CLSTN2: variants seen among roughly 807,000 people sequenced by gnomAD.
The protein encoded by CLSTN2 is calsyntenin 2, also known as calsyntenin-2.
CLSTN2 carries 48 observed loss-of-function variants against 101.2 expected under a neutral mutation model. The observed-to-expected ratio is 0.47, with a 90% confidence interval of 0.38 to 0.60. CLSTN2 has a LOEUF of 0.60. Among genes scored for constraint, CLSTN2 ranks in the 20% least tolerant of loss-of-function variants. The pLI, the probability that CLSTN2 is intolerant of heterozygous loss-of-function variation, is 0.00. For missense variants in CLSTN2, 1,160 were observed against 1,238.2 expected (o/e 0.94, Z 0.95); for synonymous variants, 481 against 463.6 (o/e 1.04, Z -0.48).
At chr3:140,281,089 G>T (rs1430525709) in intron 2 of CLSTN2, among the ~76,000 whole-genome samples, 1 of 152,224 alleles carries the variant, frequency 6.6e-6, no homozygotes, top group African/African-American at 2.4e-5. Context: ...AAATGTACAG[G>T]TCTAAATGGG....
chr3:140,069,179 C>A (rs1028798502), intron 1 of CLSTN2, among the ~76,000 whole-genome samples: 3 of 152,224 alleles, frequency 2.0e-5, no homozygotes, highest in Non-Finnish European at 4.4e-5. Context: ...TCCTCATTCT[C>A]AGTACAGACC....
chr3:140,468,565 C>T (rs939340531), intron 8 of CLSTN2, among the ~76,000 whole-genome samples: 1 of 152,184 alleles, frequency 6.6e-6, no homozygotes, highest in African/African-American at 2.4e-5. Context: ...TCAATGCCTG[C>T]TCTGTGCTAG....
At chr3:140,397,847 T>C (rs1161295892) in intron 2 of CLSTN2, among the ~76,000 whole-genome samples, 1 of 152,246 alleles carries the variant, frequency 6.6e-6, no homozygotes, top group East Asian at 1.9e-4. Context: ...CATGACTGTG[T>C]GACATTATGC....
In CLSTN2 at chr3:140,519,878, C is replaced by T. The variant is rs531328048; in HGVS notation, c.1345-12446C>T. Among the ~76,000 whole-genome samples, 167 of 152,216 alleles carry T rather than the reference C, an allele frequency of 1.1e-3. 1 individual carries two copies. The highest frequency in any genetic ancestry group is 3.9e-3 in the African/African-American group (163 of 41,534). On this transcript the variant is annotated intron_variant, in intron 8 of 16. Transcript: ENST00000458420. ...ATGCTAGCTGGTTATTTTGTAGACT[C>T]GTTTATGTGGTTGCTTTATAGTGTC...
At chr3:140,135,994 T>C (rs2009611109) in intron 1 of CLSTN2, among the ~76,000 whole-genome samples, 2 of 152,196 alleles carry the variant, frequency 1.3e-5, no homozygotes, top group Admixed American at 1.3e-4. Context: ...TTAAGAAGAT[T>C]TGAAGATTTC....
Position 140,367,204 on chromosome 3 carries a change from G to A in CLSTN2, c.233-36425G>A, listed in dbSNP as rs562203959. On this transcript the variant is annotated intron_variant, in intron 2 of 16. Transcript: ENST00000458420. ...AACTTTACAATTATGGAACTTAGAC[G>A]CTACACTTGATCTTAGCCAAAAGAC... Among the ~76,000 whole-genome samples the A allele has an allele frequency of 1.4e-4, 22 of 151,898 alleles. 1 individual carries two copies. The highest frequency in any genetic ancestry group is 5.1e-4 in the African/African-American group (21 of 41,444).
At chr3:139,953,630 T>C (rs902208148) in intron 1 of CLSTN2, among the ~76,000 whole-genome samples, 4 of 152,198 alleles carry the variant, frequency 2.6e-5, no homozygotes, top group Admixed American at 6.5e-5. Flanking sequence ...CAGGCATTGA[T>C]GGAGCAGCAT....
chr3:140,052,454 C>T (rs2008015462), intron 1 of CLSTN2, among the ~76,000 whole-genome samples: 1 of 152,202 alleles, frequency 6.6e-6, no homozygotes, highest in Non-Finnish European at 1.5e-5. Context: ...CCGCACCTGG[C>T]CAATATTTCT....
At position 140,503,014 on chromosome 3, in the gene CLSTN2, C is replaced by G. The variant is rs1409823830; in HGVS notation, c.1345-29310C>G. On this transcript the variant is annotated intron_variant, in intron 8 of 16. Coordinates refer to ENST00000458420, the MANE Select transcript of CLSTN2 (RefSeq NM_022131.3). ...CTAGAAGAGCTTCTGTTTCCTTCTA[C>G]TTTACAGTTTACAACACGCCATGGC... 2.6e-5 allele frequency among the ~76,000 whole-genome samples: 4 copies of G among 152,292 alleles called. No individual in the cohort carries two copies. In the East Asian group the frequency reaches 7.7e-4, roughly 29 times the overall value.
intron 1 of CLSTN2, among the ~76,000 whole-genome samples, chr3:140,045,019 C>T (rs145577084): frequency 0.014 from 2,068 of 152,136 alleles, 56 homozygotes; most frequent in African/African-American, 0.045. Context: ...TGCCAGGCTT[C>T]GGTATCAGGA....
At chr3:140,429,523 A>G (rs1025441485) in intron 5 of CLSTN2, among the ~76,000 whole-genome samples, 1 of 152,092 alleles carries the variant, frequency 6.6e-6, no homozygotes, top group African/African-American at 2.4e-5. Context: ...AGAAGACTGG[A>G]CTGGCCAACT....
At chr3:140,499,888 C>A (rs1934539728) in intron 8 of CLSTN2, among the ~76,000 whole-genome samples, 3 of 152,088 alleles carry the variant, frequency 2.0e-5, no homozygotes, top group African/African-American at 4.8e-5. Context: ...CACGGTGAAA[C>A]CCCGTCTCTA....
intron 1 of CLSTN2, among the ~76,000 whole-genome samples, chr3:140,009,545 C>T (rs1482561306): frequency 1.3e-5 from 2 of 152,032 alleles, no homozygotes; most frequent in Non-Finnish European, 2.9e-5. Context: ...TCATCCTATC[C>T]ATATTCTCTG....
At chr3:140,121,614 C>G (rs1434671829) in intron 1 of CLSTN2, among the ~76,000 whole-genome samples, 2 of 152,188 alleles carry the variant, frequency 1.3e-5, no homozygotes, top group African/African-American at 2.4e-5. Flanking sequence ...GTCCCAGAAA[C>G]AAGGACCAGG....
intron 4 of CLSTN2, among the ~76,000 whole-genome samples, chr3:140,420,850 C>G (rs2107990996): frequency 6.6e-6 from 1 of 152,328 alleles, no homozygotes; most frequent in Admixed American, 6.5e-5. Context: ...CTTATAAACA[C>G]AAGCCAGCTG....
intron 1 of CLSTN2, among the ~76,000 whole-genome samples, chr3:140,163,657 A>G (rs1398782693): frequency 1.3e-5 from 2 of 151,068 alleles, no homozygotes; most frequent in African/African-American, 4.9e-5. Context: ...TTGTGGGGAG[A>G]AGGATGACCA....
At chr3:140,304,409 G>T (rs954580995) in intron 2 of CLSTN2, among the ~76,000 whole-genome samples, 6 of 152,192 alleles carry the variant, frequency 3.9e-5, no homozygotes, top group Non-Finnish European at 5.9e-5. Flanking sequence ...AACTGATTCA[G>T]CTCCTGGTGA....
At chr3:140,446,485 C>A (rs1933081332) in intron 5 of CLSTN2, among the ~76,000 whole-genome samples, 1 of 152,112 alleles carries the variant, frequency 6.6e-6, no homozygotes, top group Admixed American at 6.6e-5. Context: ...GCAAAGGTAC[C>A]TGAAATGTAT....
rs116168274 is a variant in CLSTN2, at chr3:140,021,980, A to G, written c.109+86497A>G. ...GCAGACAGAACTGGGACCTGGGCAC[A>G]GCTTTTCTGACAGGAAGTCACCTGG... On this transcript the variant is annotated intron_variant, in intron 1 of 16. Coordinates refer to ENST00000458420, the MANE Select transcript of CLSTN2 (RefSeq NM_022131.3). 2.9e-3 allele frequency among the ~76,000 whole-genome samples: 449 copies of G among 152,330 alleles called. 3 individuals carry two copies. The highest frequency in any genetic ancestry group is 0.01 in the African/African-American group (434 of 41,580).
Sources: allele counts gnomAD v4.1 joint callset (sites outside exome capture counted in the v4.1 genomes callset), GRCh38; gene constraint gnomAD v4.1.1; transcripts MANE v1.5; gene names NCBI Gene and HGNC (gene_info 2026-07-23, HGNC 2026-07-21).